The following DIP2C variants were observed in gnomAD, a reference collection of about 807,000 sequenced individuals.
The protein encoded by DIP2C is DIP2 acetate--CoA ligase C (putative), also known as disco-interacting protein 2 homolog C.
DIP2C carries 33 observed loss-of-function variants against 192.4 expected under a neutral mutation model. The ratio of observed to expected loss-of-function variants is 0.17; its 90% CI spans 0.13 to 0.23. The LOEUF is 0.23. Ranked by LOEUF, DIP2C falls within the 10% of genes least tolerant of loss-of-function variation. The pLI is 1.00. For synonymous variants in DIP2C, 979 were observed against 864.1 expected, an observed-to-expected ratio of 1.13 and a Z score of -2.33; for missense variants, 1,537 against 2,110.1, an observed-to-expected ratio of 0.73 and a Z score of 5.32.
chr10:469,275 C>T (rs527371369), intron 3 of DIP2C, among the ~76,000 whole-genome samples: 151 of 151,492 alleles, frequency 1.0e-3, no homozygotes, highest in East Asian at 7.8e-4. Flanking sequence ...GGTCCTATTG[C>T]TATTATCTTT....
intron 24 of DIP2C, among the ~76,000 whole-genome samples, chr10:355,204 C>A (rs1417661754): frequency 6.6e-6 from 1 of 152,164 alleles, no homozygotes; most frequent in Non-Finnish European, 1.5e-5. Context: ...GGTTTTAAAG[C>A]CTCTTCCTGG....
intron 17 of DIP2C, among the ~76,000 whole-genome samples, chr10:381,025 C>T (rs1046485544): frequency 6.6e-5 from 10 of 152,184 alleles, no homozygotes; most frequent in Admixed American, 2.0e-4. Context: ...TTGGTGGAAA[C>T]GCAAGTACGA....
At chr10:433,614 G>A (rs1966940540) in intron 4 of DIP2C, among the ~76,000 whole-genome samples, 1 of 152,170 alleles carries the variant, frequency 6.6e-6, no homozygotes, top group Admixed American at 6.5e-5. Flanking sequence ...CTGGGAGGCG[G>A]AGGTTGCACT....
At chr10:510,307 C>CT (rs1213066365) in intron 1 of DIP2C, among the ~76,000 whole-genome samples, 2 of 152,238 alleles carry the variant, frequency 1.3e-5, no homozygotes, top group African/African-American at 4.8e-5. Flanking sequence ...ACCTTGCCGT[C>CT]TCCAAGACCC....
At chr10:540,445 G>A (rs957094930) in intron 1 of DIP2C, among the ~76,000 whole-genome samples, 1 of 152,228 alleles carries the variant, frequency 6.6e-6, no homozygotes, top group Non-Finnish European at 1.5e-5. Flanking sequence ...GGGAACCAGA[G>A]AGCAAAACCT....
At chr10:619,541 G>GCCCGCCCGCCCGCCCA in intron 1 of DIP2C, among the ~76,000 whole-genome samples, 1 of 67,896 alleles carries the variant, frequency 1.5e-5, no homozygotes, top group African/African-American at 3.5e-5. Context: ...CCGCCCGCCC[G>GCCCGCCCGCCCGCCCA]CCCTCCCACC....
intron 4 of DIP2C, among the ~76,000 whole-genome samples, chr10:432,695 A>G (rs1187589883): frequency 6.6e-6 from 1 of 152,020 alleles, no homozygotes; most frequent in Non-Finnish European, 1.5e-5. Context: ...TCTCCTGCTT[A>G]CTTAGAATTT....
intron 5 of DIP2C, among the ~76,000 whole-genome samples, chr10:420,006 A>G (rs1966072217): frequency 6.6e-6 from 1 of 152,156 alleles, no homozygotes; most frequent in African/African-American, 2.4e-5. Context: ...CACACCCAGA[A>G]TCTTGATGAC....
intron 3 of DIP2C, among the ~76,000 whole-genome samples, chr10:462,863 T>C (rs917102982): frequency 9.9e-5 from 15 of 152,168 alleles, no homozygotes; most frequent in African/African-American, 3.4e-4. Context: ...TGGTTCAATA[T>C]ATGCAAATCA....
At chr10:670,313 T>C (rs903745592) in intron 1 of DIP2C, among the ~76,000 whole-genome samples, 1 of 151,910 alleles carries the variant, frequency 6.6e-6, no homozygotes, top group Non-Finnish European at 1.5e-5. Context: ...CGCACATACA[T>C]GCATATACAC....
intron 32 of DIP2C, among the ~76,000 whole-genome samples, chr10:305,563 CAAGCCCGGAGG>C (rs368739409): frequency 3.0e-4 from 46 of 152,298 alleles, no homozygotes; most frequent in African/African-American, 1.1e-3. Context: ...CTTCAGGTTA[CAAGCCCGGAGG>C]AAGCTAAGAA....
chr10:686,526 A>C (rs1588771950), intron 1 of DIP2C, among the ~76,000 whole-genome samples: 1 of 152,080 alleles, frequency 6.6e-6, no homozygotes, highest in East Asian at 1.9e-4. Flanking sequence ...CCTGGCTCAC[A>C]CTCAGACCCA....
intron 4 of DIP2C, 109 bp downstream of exon 4, chr10:440,762 G>C: frequency 1.4e-6 from 2 of 1,455,630 alleles, no homozygotes; most frequent in Non-Finnish European, 1.8e-6. Flanking sequence ...CACAAAATCT[G>C]CATTACTGCT....
At chr10:476,559 G>A (rs1324141368) in intron 2 of DIP2C, among the ~76,000 whole-genome samples, 1 of 152,204 alleles carries the variant, frequency 6.6e-6, no homozygotes, top group Non-Finnish European at 1.5e-5. Flanking sequence ...AGGTGCAGAA[G>A]TGATCCATGA....
At chr10:285,177 G>C (rs1468374821) in intron 34 of DIP2C, among the ~76,000 whole-genome samples, 1 of 143,508 alleles carries the variant, frequency 7.0e-6, no homozygotes, top group African/African-American at 2.6e-5. Context: ...AAAAACACAA[G>C]GCCCAAGAAG....
chr10:677,165 C>G (rs1830905529), intron 1 of DIP2C, among the ~76,000 whole-genome samples: 1 of 152,180 alleles, frequency 6.6e-6, no homozygotes, highest in Non-Finnish European at 1.5e-5. Flanking sequence ...TAACCACTTG[C>G]AAGGAAGACT....
Position 496,769 on chromosome 10 carries a change from G to T in DIP2C, c.86-10239C>A, listed in dbSNP as rs1057295168. Among the ~76,000 whole-genome samples the T allele has an allele frequency of 5.3e-5, 8 of 150,852 alleles. No homozygotes were observed. In the East Asian group the frequency reaches 1.6e-3, roughly 30 times the overall value. Reference sequence around the variant, plus strand: ...ATGTACTTAAATCTCTACATTACTCGCAATACTCCAAACAATGTGAGTGCT... The same window carrying T: ...ATGTACTTAAATCTCTACATTACTCTCAATACTCCAAACAATGTGAGTGCT... On this transcript the variant is annotated intron_variant, in intron 1 of 36. Transcript: ENST00000280886.
Position 327,063 on chromosome 10 carries a change from G to C in DIP2C, c.3867C>G (p.His1289Gln). 2 of 1,614,220 alleles carry C rather than the reference G, an allele frequency of 1.2e-6. No homozygotes were observed. The highest frequency in any genetic ancestry group is 1.7e-6 in the Non-Finnish European group (2 of 1,180,042). Residue 1289 changes from histidine to glutamine, a missense_variant, in exon 31 of 37, where the codon CAC (histidine) becomes CAG (glutamine). Transcript: ENST00000280886. ...CGAACGAGGTGCTGACGGCCCGCGG[G>C]TGAAGGCCCAGGTCCTTAAACAGCT... ...FSKLFKDLGL[H>Q]PRAVSTSFGC...
rs1186688011 is a variant in DIP2C at position 414,059 on chromosome 10, G to A, written c.911C>T (p.Ala304Val). The A allele has an allele frequency of 1.2e-6, 2 of 1,613,872 alleles. No homozygotes were observed. The highest frequency in any genetic ancestry group is 2.7e-5 in the African/African-American group (2 of 75,056). ...QPKPEGAQML[A>V]MRGEQLGVVT... ...CACGCCCAGCTGCTCTCCGCGCATG[G>A]CCAGCATCTGGGCCCCCTCCGGCTT... Residue 304 changes from alanine (A) to valine (V), a missense_variant, in exon 8 of 37, where the codon GCC becomes GTC. Ala to Val is a moderately conservative substitution (Grantham distance 64). Around this residue, in one of 4 missense-constraint regions of DIP2C, gnomAD observed 473 missense variants for 539.6 expected, o/e 0.88. Transcript: ENST00000280886.
Sources: allele counts gnomAD v4.1 joint callset (sites outside exome capture counted in the v4.1 genomes callset), GRCh38; gene constraint gnomAD v4.1.1; regional missense constraint gnomAD v4.1.1; transcripts MANE v1.5; gene names NCBI Gene and HGNC (gene_info 2026-07-23, HGNC 2026-07-21).